CCSER1: variants seen among roughly 807,000 people sequenced by gnomAD.
The protein encoded by CCSER1 is coiled-coil serine rich protein 1.
Under a neutral mutation model 82.0 loss-of-function variants are expected in CCSER1, and 41 were observed. That is an observed-to-expected ratio of 0.50 (90% CI 0.39 to 0.65). CCSER1 has a LOEUF of 0.65. Among genes scored for constraint, CCSER1 ranks in the 30% least tolerant of loss-of-function variants. The probability of loss-of-function intolerance (pLI) is 0.00; values close to 1 mark genes in which losing one functional copy is unlikely to be tolerated. For missense variants in CCSER1, 1,119 were observed against 1,064.2 expected (o/e 1.05, Z -0.72); for synonymous variants, 414 against 383.9 (o/e 1.08, Z -0.92).
rs140185261 is a variant in CCSER1, at chr4:90,744,959, TTA to T, written c.2010+20980_2010+20981del. Among the ~76,000 whole-genome samples the T allele has an allele frequency of 1.7e-3, 248 of 149,448 alleles. 1 individual carries two copies. Among genetic ancestry groups the T allele is most frequent in the African/African-American group, 5.9e-3 (238 of 40,626 alleles). On this transcript the variant is annotated intron_variant, in intron 7 of 10. Coordinates refer to ENST00000509176, the MANE Select transcript of CCSER1 (RefSeq NM_001145065.2). ...TAAAAATTCATACATTTTATATATATTATATATATATATGTACTGCTATATCT... is the reference window on the plus strand; with the variant it reads ...TAAAAATTCATACATTTTATATATATTATATATATATGTACTGCTATATCT...
intron 10 of CCSER1, chr4:91,325,286 A>G (rs1348101363): frequency 2.5e-6 from 1 of 394,142 alleles, no homozygotes; most frequent in Non-Finnish European, 4.9e-6. Flanking sequence ...AAGAGTTACA[A>G]AGGCTTTTTT....
rs200044961 is a variant in CCSER1, at chr4:91,384,474, CT to C, written c.2218-214089del. ...GAAATGATTTTAAACAGTCAAAAAT[CT>C]TTTTTTTTAAAAAAATAAATGCTGT... On this transcript the variant is annotated intron_variant, in intron 10 of 10. Coordinates refer to ENST00000509176, the MANE Select transcript of CCSER1 (RefSeq NM_001145065.2). Among the ~76,000 whole-genome samples, 287 of 150,768 alleles carry C rather than the reference CT, an allele frequency of 1.9e-3. 3 individuals are homozygous for C. Among genetic ancestry groups the C allele is most frequent in the African/African-American group, 6.5e-3 (266 of 41,104 alleles).
chr4:90,453,083 A>G (rs1322076166), intron 4 of CCSER1, among the ~76,000 whole-genome samples: 1 of 152,208 alleles, frequency 6.6e-6, no homozygotes, highest in Non-Finnish European at 1.5e-5. Context: ...AGATCTTTTG[A>G]CACACCTTCT....
chr4:90,426,358 G>T (rs980700931), intron 4 of CCSER1, among the ~76,000 whole-genome samples: 1 of 152,106 alleles, frequency 6.6e-6, no homozygotes, highest in Non-Finnish European at 1.5e-5. Context: ...TGATGATCAG[G>T]GCTAAAATAA....
At chr4:90,412,338 A>G (rs569620250) in intron 4 of CCSER1, among the ~76,000 whole-genome samples, 213 of 115,658 alleles carry the variant, frequency 1.8e-3, no homozygotes, top group African/African-American at 6.6e-3. Flanking sequence ...GGGGGGAGGG[A>G]TAGCATAGGG....
At chr4:91,410,733 C>T (rs897078726) in intron 10 of CCSER1, among the ~76,000 whole-genome samples, 4 of 152,014 alleles carry the variant, frequency 2.6e-5, no homozygotes, top group African/African-American at 9.7e-5. Context: ...TGTAATTTAT[C>T]TGGTCTATTT....
At chr4:91,041,679 A>G (rs1402663718) in intron 9 of CCSER1, among the ~76,000 whole-genome samples, 1 of 152,214 alleles carries the variant, frequency 6.6e-6, no homozygotes, top group African/African-American at 2.4e-5. Flanking sequence ...CACCTTCACA[A>G]ATGAAACAGA....
At chr4:90,472,749 T>C (rs1764562337) in intron 5 of CCSER1, among the ~76,000 whole-genome samples, 1 of 152,138 alleles carries the variant, frequency 6.6e-6, no homozygotes, top group African/African-American at 2.4e-5. Flanking sequence ...TATTTAATCA[T>C]AAGCATAGAA....
intron 10 of CCSER1, among the ~76,000 whole-genome samples, chr4:91,413,118 A>C (rs945132581): frequency 6.6e-6 from 1 of 152,140 alleles, no homozygotes; most frequent in Non-Finnish European, 1.5e-5. Context: ...CTTCAGCAGC[A>C]GACCTGATCA....
intron 3 of CCSER1, among the ~76,000 whole-genome samples, chr4:90,360,888 GTTTA>G (rs1745269690): frequency 6.6e-6 from 1 of 151,544 alleles, no homozygotes; most frequent in Non-Finnish European, 1.5e-5. Context: ...CTCAACTTTA[GTTTA>G]TTTTATAGTG....
At chr4:90,283,118 GA>G (rs1247976334) in intron 1 of CCSER1, among the ~76,000 whole-genome samples, 1 of 151,850 alleles carries the variant, frequency 6.6e-6, no homozygotes, top group African/African-American at 2.4e-5. Context: ...GTTATCTAGT[GA>G]TAACATGTTT....
intron 10 of CCSER1, among the ~76,000 whole-genome samples, chr4:91,529,913 T>C (rs553581299): frequency 1.1e-4 from 16 of 152,290 alleles, no homozygotes; most frequent in Non-Finnish European, 2.1e-4. Context: ...TTTCTGAATG[T>C]ATATTACATA....
At chr4:90,624,752 T>C (rs1162240663) in intron 5 of CCSER1, among the ~76,000 whole-genome samples, 1 of 152,218 alleles carries the variant, frequency 6.6e-6, no homozygotes, top group East Asian at 1.9e-4. Context: ...CTTATGGACT[T>C]AGAAAAGTCT....
At chr4:90,586,046 C>G (rs1781972525) in intron 5 of CCSER1, among the ~76,000 whole-genome samples, 1 of 152,106 alleles carries the variant, frequency 6.6e-6, no homozygotes, top group African/African-American at 2.4e-5. Context: ...GAACAGGGGT[C>G]CCCAATCCCT....
At chr4:91,172,358 C>A (rs1246329781) in intron 10 of CCSER1, among the ~76,000 whole-genome samples, 1 of 152,086 alleles carries the variant, frequency 6.6e-6, no homozygotes, top group Non-Finnish European at 1.5e-5. Context: ...TGGAATTTTT[C>A]ATGTGGATGC....
intron 9 of CCSER1, among the ~76,000 whole-genome samples, chr4:90,988,973 A>G (rs2150441741): frequency 6.6e-6 from 1 of 151,926 alleles, no homozygotes; most frequent in East Asian, 2.0e-4. Context: ...TTGGAAAATG[A>G]AGTATTGAAC....
chr4:90,250,322 A>G (rs191920980), intron 1 of CCSER1, among the ~76,000 whole-genome samples: 65 of 152,072 alleles, frequency 4.3e-4, no homozygotes, highest in Admixed American at 1.6e-3. Context: ...GTTAAGATTT[A>G]CTCCCATTTT....
In CCSER1 at chr4:90,957,245, G is replaced by GCCC. The variant is rs35837427; in HGVS notation, c.2172+33804_2172+33806dup. ...GCCTCCCGACTACCTGGGATTACAG[G>GCCC]CCCCCCCCACCACGTCCAGCTAATT... On this transcript the variant is annotated intron_variant, in intron 9 of 10. Coordinates refer to ENST00000509176, the MANE Select transcript of CCSER1 (RefSeq NM_001145065.2). Among the ~76,000 whole-genome samples, 1,277 of 141,890 alleles carry GCCC rather than the reference G, an allele frequency of 9.0e-3. 28 individuals are homozygous for GCCC. Among genetic ancestry groups the GCCC allele is most frequent in the African/African-American group, 0.028 (1,063 of 38,366 alleles). The allele number at this position is 141,890 out of a possible 152,430, so 93.1% of individuals were successfully genotyped here.
At chr4:91,173,605 A>G (rs1057373138) in intron 10 of CCSER1, among the ~76,000 whole-genome samples, 4 of 151,168 alleles carry the variant, frequency 2.6e-5, no homozygotes, top group African/African-American at 9.7e-5. Flanking sequence ...AAAAAAAAAA[A>G]AAAAAAAAAA....
Sources: gnomAD v4.1 joint callset for allele counts (sites outside exome capture counted in the v4.1 genomes callset) on GRCh38, gnomAD v4.1.1 for gene constraint, MANE v1.5 for transcripts, NCBI Gene and HGNC (gene_info 2026-07-23, HGNC 2026-07-21) for gene names.